Variants in CALN1 observed in about 807,000 individuals in gnomAD.
CALN1 encodes calcium-binding protein 8.
In CALN1, 17 loss-of-function variants were observed where a neutral mutation model predicts 30.6. The observed-to-expected ratio is 0.56, with a 90% CI of 0.38 to 0.83. CALN1 has a LOEUF of 0.83. CALN1 is among the 40% of genes least tolerant of loss of function. The pLI is 0.00. For synonymous variants in CALN1, 156 were observed against 131.4 expected, an observed-to-expected ratio of 1.19 and a Z score of -1.28; for missense variants, 291 against 354.9, an observed-to-expected ratio of 0.82 and a Z score of 1.45.
intron 4 of CALN1, among the ~76,000 whole-genome samples, chr7:72,050,288 TGAA>T (rs1256100817): frequency 6.6e-6 from 1 of 152,170 alleles, no homozygotes; most frequent in Non-Finnish European, 1.5e-5. Flanking sequence ...TCTTTCAAGA[TGAA>T]AATTTCAGTA....
intron 3 of CALN1, among the ~76,000 whole-genome samples, chr7:72,269,109 G>C (rs1562818089): frequency 6.6e-6 from 1 of 152,310 alleles, no homozygotes; most frequent in East Asian, 1.9e-4. Context: ...GGACAGGAGA[G>C]AGAAGAACAC....
At chr7:72,423,663 TG>T (rs1015776326) in intron 1 of CALN1, among the ~76,000 whole-genome samples, 1 of 152,002 alleles carries the variant, frequency 6.6e-6, no homozygotes, top group Non-Finnish European at 1.5e-5. Flanking sequence ...GGAAAATACA[TG>T]CATCTGGCCA....
intron 4 of CALN1, among the ~76,000 whole-genome samples, chr7:72,035,080 C>T (rs886343521): frequency 2.6e-5 from 4 of 152,134 alleles, no homozygotes; most frequent in Non-Finnish European, 5.9e-5. Context: ...AGAGCATGTT[C>T]TCATGACAGC....
intron 3 of CALN1, among the ~76,000 whole-genome samples, chr7:72,237,745 C>G (rs1794562590): frequency 2.0e-5 from 3 of 152,216 alleles, no homozygotes; most frequent in African/African-American, 7.2e-5. Flanking sequence ...AGAGAGAAAC[C>G]CTTCCTTCTT....
chr7:72,311,289 A>G (rs1166063804), intron 2 of CALN1, among the ~76,000 whole-genome samples: 1 of 152,186 alleles, frequency 6.6e-6, no homozygotes. Context: ...AGAACACAAT[A>G]TATAATATAT....
intron 6 of CALN1, among the ~76,000 whole-genome samples, chr7:71,799,500 C>G (rs371320730): frequency 6.6e-6 from 1 of 151,994 alleles, no homozygotes; most frequent in Non-Finnish European, 1.5e-5. Flanking sequence ...GAGTCTCACT[C>G]TGTTGCCCAG....
chr7:72,237,266 G>T (rs762566779), intron 3 of CALN1, among the ~76,000 whole-genome samples: 3 of 152,146 alleles, frequency 2.0e-5, no homozygotes, highest in Non-Finnish European at 4.4e-5. Context: ...TTACAGGCAT[G>T]AGCCACTACA....
At chr7:72,395,359 G>A (rs62463229) in intron 2 of CALN1, among the ~76,000 whole-genome samples, 83,111 of 151,268 alleles carry the variant, frequency 0.55, 23,619 homozygotes, top group East Asian at 0.72. Context: ...GCACGCGCGC[G>A]CACACACACA....
chr7:72,005,996 C>T (rs558283629), intron 5 of CALN1, among the ~76,000 whole-genome samples: 1 of 152,258 alleles, frequency 6.6e-6, no homozygotes, highest in African/African-American at 2.4e-5. Flanking sequence ...GTATCAATAT[C>T]AAAATCTCAG....
At chr7:72,041,832 G>A (rs1418448277) in intron 4 of CALN1, among the ~76,000 whole-genome samples, 1 of 152,178 alleles carries the variant, frequency 6.6e-6, no homozygotes, top group Non-Finnish European at 1.5e-5. Context: ...TCCGATAAAG[G>A]GGAGTTCCCC....
Position 71,781,965 on chromosome 7 carries a change from C to T in CALN1, c.*5810G>A, listed in dbSNP as rs1554334563. ...AATTTTGCCTTGGAGACGTTTTGAA[C>T]AGTATTGTCATGTCTCTCGAGACCC... On this transcript the variant is annotated 3_prime_UTR_variant, in exon 7 of 7. Transcript: ENST00000395275. The T allele has an allele frequency of 6.6e-6, 1 of 152,154 alleles. No homozygotes were observed. Among genetic ancestry groups the T allele is most frequent in the Non-Finnish European group, 1.5e-5 (1 of 68,030 alleles). The allele number at this position is 152,154 out of a possible 1,614,324, so 9.4% of individuals were successfully genotyped here.
intron 5 of CALN1, among the ~76,000 whole-genome samples, chr7:71,897,930 T>C (rs1317375101): frequency 1.5e-5 from 2 of 132,936 alleles, no homozygotes; most frequent in African/African-American, 2.9e-5. Flanking sequence ...TTGAGAATGT[T>C]GTCAATCTAG....
intron 5 of CALN1, among the ~76,000 whole-genome samples, chr7:71,812,778 C>T (rs888300327): frequency 2.0e-5 from 3 of 151,826 alleles, no homozygotes; most frequent in African/African-American, 7.3e-5. Context: ...AGGTCTTGCT[C>T]GGTGGTCCAG....
chr7:72,301,596 A>G (rs1373024465), intron 2 of CALN1, among the ~76,000 whole-genome samples: 2 of 130,856 alleles, frequency 1.5e-5, no homozygotes, highest in African/African-American at 2.9e-5. Context: ...CGACAGAGCA[A>G]AGACTTTGTC....
upstream of CALN1, among the ~76,000 whole-genome samples, chr7:72,413,255 CATAT>C (rs1288802781): frequency 1.3e-5 from 2 of 151,560 alleles, no homozygotes. Flanking sequence ...CACATACACA[CATAT>C]ACATTCACAC....
intron 4 of CALN1, among the ~76,000 whole-genome samples, chr7:72,042,660 CA>C (rs1802203030): frequency 6.6e-6 from 1 of 152,098 alleles, no homozygotes; most frequent in Admixed American, 6.6e-5. Context: ...TGCTTGAGGC[CA>C]ACAGATTGAG....
At chr7:72,453,993 A>AAT in the CALN1 span, among the ~76,000 whole-genome samples, 11,952 of 147,868 alleles carry the variant, frequency 0.081, 552 homozygotes, top group African/African-American at 0.11. Flanking sequence ...ACAACCAAAA[A>AAT]ATATATATAT....
At chr7:71,847,509 C>CAAAAA (rs1790334751) in intron 5 of CALN1, among the ~76,000 whole-genome samples, 1 of 150,662 alleles carries the variant, frequency 6.6e-6, no homozygotes, top group African/African-American at 2.5e-5. Context: ...AAAACCAAAA[C>CAAAAA]CAAAACCAAA....
chr7:72,299,088 T>G (rs939457143), intron 2 of CALN1, among the ~76,000 whole-genome samples: 2 of 152,162 alleles, frequency 1.3e-5, no homozygotes, highest in Non-Finnish European at 2.9e-5. Flanking sequence ...TACCTCCCAG[T>G]GTGAGATGCT....
Sources: gnomAD v4.1 joint callset for allele counts (sites outside exome capture counted in the v4.1 genomes callset) on GRCh38, gnomAD v4.1.1 for gene constraint, MANE v1.5 for transcripts, NCBI Gene and HGNC (gene_info 2026-07-23, HGNC 2026-07-21) for gene names.